The following STK24 variants were observed in gnomAD, a reference collection of about 807,000 sequenced individuals.
The protein encoded by STK24 is serine/threonine-protein kinase 24.
A neutral mutation model predicts 55.6 loss-of-function variants in STK24; 21 were observed. The ratio of observed to expected loss-of-function variants is 0.38; its 90% CI spans 0.27 to 0.54. The LOEUF (loss-of-function observed/expected upper bound fraction) is 0.54, where lower values mean the gene tolerates loss of function less well. Among genes scored for constraint, STK24 ranks in the 20% least tolerant of loss-of-function variants. The pLI, the probability that STK24 is intolerant of heterozygous loss-of-function variation, is 0.79. For synonymous variants in STK24, 200 were observed against 215.2 expected (o/e 0.93, Z 0.62); for missense variants, 383 against 538.4 (o/e 0.71, Z 2.86).
intron 2 of STK24, among the ~76,000 whole-genome samples, chr13:98,505,771 T>C (rs1895660502): frequency 6.6e-6 from 1 of 152,246 alleles, no homozygotes; most frequent in Non-Finnish European, 1.5e-5. Flanking sequence ...CTAGCAAAAG[T>C]ATTTATGTAT....
chr13:98,555,031 A>AAAAAAAG (rs1555312204), intron 1 of STK24, among the ~76,000 whole-genome samples: 5 of 143,574 alleles, frequency 3.5e-5, no homozygotes, highest in Admixed American at 7.0e-5. Flanking sequence ...AAAAAAAAAA[A>AAAAAAAG]AAAGAAAGAA....
chr13:98,575,340 G>C (rs1236703425), intron 1 of STK24, among the ~76,000 whole-genome samples: 1 of 151,698 alleles, frequency 6.6e-6, no homozygotes. Context: ...CTTAACTGTT[G>C]CTGCTTAAAT....
chr13:98,503,665 G>A (rs530273629), intron 2 of STK24, among the ~76,000 whole-genome samples: 1 of 152,358 alleles, frequency 6.6e-6, no homozygotes, highest in East Asian at 1.9e-4. Flanking sequence ...ACTAGGCAGA[G>A]CCTTACAAGG....
Position 98,460,071 on chromosome 13 carries a change from G to C in STK24, c.1122+301C>G, listed in dbSNP as rs534034232. On this transcript the variant is annotated intron_variant, in intron 9 of 10. Transcript: ENST00000539966. ...GCCAGAAATTGGTCTGAGGCAAAGAGAGCAGGCTGTACACAATGAGATTTG... is the reference window on the plus strand; with the variant it reads ...GCCAGAAATTGGTCTGAGGCAAAGACAGCAGGCTGTACACAATGAGATTTG... 3.3e-5 allele frequency among the ~76,000 whole-genome samples: 5 copies of C among 152,342 alleles called. No individual in the cohort carries two copies. In the South Asian group the frequency reaches 8.3e-4, roughly 25 times the overall value.
intron 2 of STK24, among the ~76,000 whole-genome samples, chr13:98,494,833 C>T (rs1395248666): frequency 6.6e-6 from 1 of 152,160 alleles, no homozygotes. Context: ...CCAAGGGCAC[C>T]CGCACTGAGG....
intron 2 of STK24, among the ~76,000 whole-genome samples, chr13:98,515,701 T>G (rs1668866615): frequency 6.6e-6 from 1 of 152,240 alleles, no homozygotes; most frequent in South Asian, 2.1e-4. Flanking sequence ...ACTTCTCTAT[T>G]GTTTTAAATC....
chr13:98,498,529 G>T (rs1215000038), intron 2 of STK24, among the ~76,000 whole-genome samples: 3 of 152,182 alleles, frequency 2.0e-5, no homozygotes, highest in Admixed American at 6.5e-5. Context: ...GGCATTGGTT[G>T]GGAAAGAATG....
chr13:98,476,318 T>C (rs9584857), intron 3 of STK24, among the ~76,000 whole-genome samples: 80,487 of 150,132 alleles, frequency 0.54, 21,943 homozygotes, highest in Non-Finnish European at 0.58. Flanking sequence ...AAGCCACCAG[T>C]GCTCCCCGGA....
Position 98,451,617 on chromosome 13 carries a change from A to G in STK24, c.*1556T>C, listed in dbSNP as rs1893196357. 3 of 152,220 alleles carry G rather than the reference A, an allele frequency of 2.0e-5. No homozygotes were observed. The allele number at this position is 152,220 out of a possible 1,614,324, so 9.4% of individuals were successfully genotyped here. On this transcript the variant is annotated 3_prime_UTR_variant, in exon 11 of 11. Coordinates refer to ENST00000539966, the MANE Select transcript of STK24 (RefSeq NM_001032296.4). ...AGCTTAGAGGCCACTAGACCAGCAGATAGCTGAGCTACATCCCCAAGCTCA... is the reference window on the plus strand; with the variant it reads ...AGCTTAGAGGCCACTAGACCAGCAGGTAGCTGAGCTACATCCCCAAGCTCA...
At position 98,535,368 on chromosome 13, in the gene STK24, AAAAT is replaced by A. The variant is rs1420443212; in HGVS notation, c.43-15899_43-15896del. Among the ~76,000 whole-genome samples, 413 of 48,968 alleles carry A rather than the reference AAAAT, an allele frequency of 8.4e-3. 5 individuals are homozygous for A. The highest frequency in any genetic ancestry group is 0.021 in the African/African-American group (363 of 17,476). 32.1% of individuals were successfully genotyped at this position (48,968 alleles called of 152,430 possible). A position where few individuals can be genotyped will look rare whatever the true frequency, so the allele number is the denominator to read the frequency against. The stretch of plus-strand genomic sequence containing the variant: ...AACAAACAAACAAACAAACAAAAAA[AAAAT>A]ATATATATATATATATATGTGTGTA... On this transcript the variant is annotated intron_variant, in intron 1 of 10. Transcript: ENST00000539966.
Position 98,445,885 on chromosome 13 carries a change from A to C in STK24, c.*7288T>G, listed in dbSNP as rs1373391242. On this transcript the variant is annotated 3_prime_UTR_variant, in exon 11 of 11. Transcript: ENST00000539966. The stretch of plus-strand genomic sequence containing the variant: ...TCTTTTGGGGGGACACAGGGACCCC[A>C]AGATGCCCCACAGCAAGTGACAAGG... 12 of 520,146 alleles carry C rather than the reference A, an allele frequency of 2.3e-5. No homozygotes were observed. The highest frequency in any genetic ancestry group is 4.1e-5 in the Non-Finnish European group (12 of 290,340). The allele number at this position is 520,146 out of a possible 1,614,324, so 32.2% of individuals were successfully genotyped here. A position where few individuals can be genotyped will look rare whatever the true frequency, so the allele number is the denominator to read the frequency against.
intron 1 of STK24, chr13:98,553,497 C>A: frequency 5.8e-6 from 1 of 171,686 alleles, no homozygotes. Context: ...GAAAAAGTAG[C>A]TCAAGGATTC....
intron 1 of STK24, among the ~76,000 whole-genome samples, chr13:98,563,491 C>G (rs1418654412): frequency 6.6e-6 from 1 of 152,196 alleles, no homozygotes; most frequent in Non-Finnish European, 1.5e-5. Context: ...TCTGTAACTC[C>G]TCTTCCTGAT....
intron 1 of STK24, among the ~76,000 whole-genome samples, chr13:98,565,869 T>G (rs199888974): frequency 3.3e-5 from 5 of 152,026 alleles, no homozygotes; most frequent in Non-Finnish European, 7.4e-5. Context: ...AATCCTAAAT[T>G]CCAGGAAGCC....
intron 2 of STK24, among the ~76,000 whole-genome samples, chr13:98,484,649 G>C (rs529598643): frequency 2.0e-5 from 3 of 152,152 alleles, no homozygotes; most frequent in Non-Finnish European, 4.4e-5. Context: ...ACGAAGGTAC[G>C]TCACCACTTG....
At chr13:98,576,664 G>C in intron 1 of STK24, 81 bp downstream of exon 1, 1 of 1,264,244 alleles carries the variant, frequency 7.9e-7, no homozygotes. Context: ...GCTGAGCGTA[G>C]GGGGACGCCG....
rs759394760 is a variant in STK24 at position 98,446,801 on chromosome 13, G to A, written c.*6372C>T. 20 of 1,613,986 alleles carry A rather than the reference G, an allele frequency of 1.2e-5. No individual in the cohort carries two copies. Among genetic ancestry groups the A allele is most frequent in the Admixed American group, 1.7e-5 (1 of 60,010 alleles). On this transcript the variant is annotated 3_prime_UTR_variant, in exon 11 of 11. Transcript: ENST00000539966. ...CGTCTACTACTTCAGGGCGGAAAGCGAGTACACGTTCGAAAGGTAGACACC... is the reference window on the plus strand; with the variant it reads ...CGTCTACTACTTCAGGGCGGAAAGCAAGTACACGTTCGAAAGGTAGACACC...
rs5806066 is a variant in STK24, at chr13:98,515,101, G to GA, written c.273+4141dup. Among the ~76,000 whole-genome samples, 377 of 128,450 alleles carry GA rather than the reference G, an allele frequency of 2.9e-3. 4 individuals carry two copies. Among genetic ancestry groups the GA allele is most frequent in the South Asian group, 0.013 (52 of 4,032 alleles). 84.3% of individuals were successfully genotyped at this position (128,450 alleles called of 152,430 possible). ...GCAAGCTCCTCAAAACAAACCCCCT[G>GA]AAAAAAAAAAAAAAAAGATTTGTAA... On this transcript the variant is annotated intron_variant, in intron 2 of 10. Transcript: ENST00000539966.
Position 98,489,098 on chromosome 13 carries a change from C to T in STK24, c.274-6777G>A, listed in dbSNP as rs9554475. Among the ~76,000 whole-genome samples the T allele has an allele frequency of 1.3e-4, 20 of 152,314 alleles. No homozygotes were observed. The East Asian group carries it at 3.5e-3, about 26-fold the overall frequency. On this transcript the variant is annotated intron_variant, in intron 2 of 10. Coordinates refer to ENST00000539966, the MANE Select transcript of STK24 (RefSeq NM_001032296.4). The stretch of plus-strand genomic sequence containing the variant: ...CCTTAAGGCCTGGTTTGCATCCAGG[C>T]TCAGGCCAGCTCTGATGGCAACTAC...
Sources: gnomAD v4.1 joint callset for allele counts (sites outside exome capture counted in the v4.1 genomes callset) on GRCh38, gnomAD v4.1.1 for gene constraint, MANE v1.5 for transcripts, NCBI Gene and HGNC (gene_info 2026-07-23, HGNC 2026-07-21) for gene names.